Variants in IQSEC1 observed in about 807,000 individuals in gnomAD.
IQSEC1 encodes the protein IQ motif and SEC7 domain-containing protein 1.
A neutral mutation model predicts 91.0 loss-of-function variants in IQSEC1; 31 were observed. That is an observed-to-expected ratio of 0.34 (90% CI 0.26 to 0.46). The LOEUF (loss-of-function observed/expected upper bound fraction) is 0.46. Ranked by LOEUF, IQSEC1 falls within the 20% of genes least tolerant of loss-of-function variation. IQSEC1 has a pLI of 1.00. For synonymous variants in IQSEC1, 699 were observed against 662.6 expected (o/e 1.05, Z -0.84); for missense variants, 1,388 against 1,575.6 (o/e 0.88, Z 2.02).
intron 1 of IQSEC1, among the ~76,000 whole-genome samples, chr3:12,956,918 G>T (rs982471925): frequency 1.3e-5 from 2 of 152,190 alleles, no homozygotes; most frequent in Non-Finnish European, 2.9e-5. Context: ...CGTGGGAATC[G>T]AGGGAAGACA....
intron 2 of IQSEC1, among the ~76,000 whole-genome samples, chr3:13,085,603 C>G (rs891854281): frequency 2.0e-5 from 3 of 152,166 alleles, no homozygotes; most frequent in African/African-American, 7.2e-5. Context: ...AGTGAGCACC[C>G]ACGGTTGACA....
In IQSEC1 at chr3:13,048,297, G is replaced by A. The variant is rs148782340; in HGVS notation, c.23+24695C>T. Among the ~76,000 whole-genome samples, 335 of 152,330 alleles carry A rather than the reference G, an allele frequency of 2.2e-3. 2 individuals carry two copies. The highest frequency in any genetic ancestry group is 7.3e-3 in the African/African-American group (305 of 41,578). The stretch of plus-strand genomic sequence containing the variant: ...ACCTCACATTCTGTGTCTTCAGGGC[G>A]TGGAGTGATGCTTTCCTGGAGGCTG... On this transcript the variant is annotated intron_variant, in intron 1 of 13. Transcript: ENST00000613206.
At chr3:13,280,719 G>C (rs953427577) in intron 1 of IQSEC1, among the ~76,000 whole-genome samples, 2 of 152,214 alleles carry the variant, frequency 1.3e-5, no homozygotes, top group Non-Finnish European at 2.9e-5. Context: ...CACTGGCTCA[G>C]CATCTGCATT....
At chr3:12,910,041 T>C (rs1695414567) in intron 10 of IQSEC1, among the ~76,000 whole-genome samples, 1 of 152,228 alleles carries the variant, frequency 6.6e-6, no homozygotes, top group Admixed American at 6.5e-5. Flanking sequence ...AGAGTGCTCC[T>C]GTGTGCATAT....
chr3:13,080,459 C>A (rs1433910199), intron 2 of IQSEC1, among the ~76,000 whole-genome samples: 1 of 152,206 alleles, frequency 6.6e-6, no homozygotes, highest in East Asian at 1.9e-4. Context: ...GAGATATAAC[C>A]CCTGCCCCCT....
chr3:13,189,341 C>A (rs114577126), intron 1 of IQSEC1, among the ~76,000 whole-genome samples: 1,984 of 152,276 alleles, frequency 0.013, 52 homozygotes, highest in African/African-American at 0.045. Context: ...CTGGGGTGAA[C>A]CCCAATCCCC....
intron 1 of IQSEC1, among the ~76,000 whole-genome samples, chr3:12,958,713 G>A (rs936206608): frequency 6.6e-6 from 1 of 152,232 alleles, no homozygotes; most frequent in Non-Finnish European, 1.5e-5. Context: ...ATGTGGCCAT[G>A]CCTAGGGTGT....
At chr3:13,271,803 T>C (rs1695595128) in intron 1 of IQSEC1, among the ~76,000 whole-genome samples, 1 of 152,122 alleles carries the variant, frequency 6.6e-6, no homozygotes, top group Non-Finnish European at 1.5e-5. Context: ...TCAAAAAAAC[T>C]ATAATTAAAT....
chr3:13,115,489 G>A (rs535777402), intron 2 of IQSEC1, among the ~76,000 whole-genome samples: 12 of 152,330 alleles, frequency 7.9e-5, no homozygotes, highest in African/African-American at 2.6e-4. Context: ...TGGTCTGCAT[G>A]AGCCCCCTGA....
At chr3:13,257,119 G>A (rs549438478) in intron 1 of IQSEC1, among the ~76,000 whole-genome samples, 223 of 152,258 alleles carry the variant, frequency 1.5e-3, no homozygotes, top group South Asian at 3.3e-3. Flanking sequence ...TGCCAGGCAC[G>A]CAGTGAGGGT....
chr3:13,258,530 A>T (rs975010491), intron 1 of IQSEC1, among the ~76,000 whole-genome samples: 21 of 152,170 alleles, frequency 1.4e-4, no homozygotes, highest in African/African-American at 4.1e-4. Flanking sequence ...AAATTATTTT[A>T]AAAAAATTAG....
intron 2 of IQSEC1, among the ~76,000 whole-genome samples, chr3:13,127,206 A>G (rs1386833846): frequency 2.0e-5 from 3 of 152,062 alleles, no homozygotes; most frequent in African/African-American, 7.2e-5. Context: ...TGAGGTCTGG[A>G]GTTCGAGACC....
intron 2 of IQSEC1, among the ~76,000 whole-genome samples, chr3:13,127,184 A>AGGT (rs1487060525): frequency 6.6e-6 from 1 of 152,156 alleles, no homozygotes; most frequent in Non-Finnish European, 1.5e-5. Flanking sequence ...AGGCCGAGGC[A>AGGT]GGTGGATCAC....
At chr3:13,097,748 T>G (rs763774048) in intron 2 of IQSEC1, among the ~76,000 whole-genome samples, 7 of 152,244 alleles carry the variant, frequency 4.6e-5, no homozygotes, top group African/African-American at 7.2e-5. Context: ...TGAACATTTT[T>G]TTTTTCCTGG....
chr3:13,013,170 A>C (rs1378920417), intron 1 of IQSEC1, among the ~76,000 whole-genome samples: 4 of 152,102 alleles, frequency 2.6e-5, no homozygotes, highest in African/African-American at 9.7e-5. Flanking sequence ...CATATTGGTC[A>C]GGCTGGTCTC....
intron 1 of IQSEC1, among the ~76,000 whole-genome samples, chr3:13,249,167 C>CTTTTTTTT (rs60976247): frequency 1.9e-5 from 2 of 106,730 alleles, no homozygotes; most frequent in Non-Finnish European, 3.8e-5. Flanking sequence ...GAAGGAATTT[C>CTTTTTTTT]TTTTTTTTTT....
chr3:13,158,791 G>C (rs1010781954), intron 2 of IQSEC1, among the ~76,000 whole-genome samples: 1 of 152,016 alleles, frequency 6.6e-6, no homozygotes. Context: ...ACAAAACCCT[G>C]TCTCTACTAA....
chr3:13,008,567 T>A lies in IQSEC1; in HGVS notation c.23+64425A>T, dbSNP rs1299818541. Among the ~76,000 whole-genome samples, 1 of 152,128 alleles carries A rather than the reference T, an allele frequency of 6.6e-6. No homozygotes were observed. Among genetic ancestry groups the A allele is most frequent in the Non-Finnish European group, 1.5e-5 (1 of 68,020 alleles). ...TGACCACCGCCAAGTCGCTCCCCAC[T>A]GCAGCCTCCTGCTTCATTTTCCTGA... On this transcript the variant is annotated intron_variant, in intron 1 of 13. Transcript: ENST00000613206. This position sits in a 1 kb window ranked among gnomAD's most constrained non-coding sequence, Gnocchi z 4.1.
chr3:13,247,765 T>C (rs1695131819), intron 1 of IQSEC1, among the ~76,000 whole-genome samples: 1 of 152,140 alleles, frequency 6.6e-6, no homozygotes, highest in African/African-American at 2.4e-5. Context: ...GGACTTCCTC[T>C]GGGCTGTTGA....
Sources: gnomAD v4.1 joint callset for allele counts (sites outside exome capture counted in the v4.1 genomes callset) on GRCh38, gnomAD v4.1.1 for gene constraint, Gnocchi (gnomAD v3.1) non-coding constraint, MANE v1.5 for transcripts, NCBI Gene and HGNC (gene_info 2026-07-23, HGNC 2026-07-21) for gene names.